GPATCH2: variants seen among roughly 807,000 people sequenced by gnomAD.
GPATCH2 encodes G patch domain-containing protein 2.
In GPATCH2, 51 loss-of-function variants were observed where a neutral mutation model predicts 58.0. The ratio of observed to expected loss-of-function variants is 0.88; its 90% CI spans 0.70 to 1.11. The LOEUF (loss-of-function observed/expected upper bound fraction) is 1.11. Ranked by LOEUF, GPATCH2 falls within the 50% of genes most tolerant of loss-of-function variation. The pLI, the probability that GPATCH2 is intolerant of heterozygous loss-of-function variation, is 0.00. For synonymous variants in GPATCH2, 222 were observed against 218.5 expected (o/e 1.02, Z -0.14); for missense variants, 625 against 652.2 (o/e 0.96, Z 0.45).
At chr1:217,608,703 A>T in intron 5 of GPATCH2, 1 of 984,102 alleles carries the variant, frequency 1.0e-6, no homozygotes, top group Non-Finnish European at 1.2e-6. Context: ...ATTCAGATCT[A>T]AAAGACAGTC....
At chr1:217,437,946 A>G (rs1658923419) in intron 9 of GPATCH2, among the ~76,000 whole-genome samples, 1 of 151,870 alleles carries the variant, frequency 6.6e-6, no homozygotes, top group Non-Finnish European at 1.5e-5. Context: ...CTGGGAGAAA[A>G]CTCCCAGCAG....
At chr1:217,527,342 T>C (rs1231863885) in intron 5 of GPATCH2, among the ~76,000 whole-genome samples, 1 of 152,064 alleles carries the variant, frequency 6.6e-6, no homozygotes, top group East Asian at 1.9e-4. Context: ...GTGAGGTGAG[T>C]TCTGGACAAT....
intron 5 of GPATCH2, among the ~76,000 whole-genome samples, chr1:217,565,448 C>T (rs1475983152): frequency 6.6e-6 from 1 of 152,102 alleles, no homozygotes; most frequent in Non-Finnish European, 1.5e-5. Context: ...AAAAACAATA[C>T]TTTCCAGGAG....
chr1:217,444,103 C>T (rs1376937085), intron 9 of GPATCH2, among the ~76,000 whole-genome samples: 1 of 152,116 alleles, frequency 6.6e-6, no homozygotes, highest in African/African-American at 2.4e-5. Flanking sequence ...AAACTAGAAA[C>T]TCATTGTGAG....
intron 5 of GPATCH2, among the ~76,000 whole-genome samples, chr1:217,549,081 T>C (rs1260741002): frequency 6.6e-6 from 1 of 152,120 alleles, no homozygotes; most frequent in Non-Finnish European, 1.5e-5. Flanking sequence ...TTCCTCCTTC[T>C]ATACAGCTTT....
chr1:217,618,576 A>G (rs1413106680), intron 2 of GPATCH2, among the ~76,000 whole-genome samples: 1 of 152,194 alleles, frequency 6.6e-6, no homozygotes, highest in Non-Finnish European at 1.5e-5. Flanking sequence ...CATGTCTAAT[A>G]AAAGGATAAT....
chr1:217,590,318 G>A (rs376092236), intron 5 of GPATCH2, among the ~76,000 whole-genome samples: 86 of 152,078 alleles, frequency 5.7e-4, no homozygotes, highest in African/African-American at 2.0e-3. Context: ...CACTGTGCCC[G>A]GCCCTGTACC....
At chr1:217,557,133 G>A (rs1301107947) in intron 5 of GPATCH2, among the ~76,000 whole-genome samples, 3 of 152,122 alleles carry the variant, frequency 2.0e-5, no homozygotes, top group Non-Finnish European at 4.4e-5. Context: ...TTGGCCGGGT[G>A]CGGTGGTTCA....
intron 2 of GPATCH2, among the ~76,000 whole-genome samples, chr1:217,614,977 A>G (rs1668817557): frequency 1.3e-5 from 2 of 152,022 alleles, no homozygotes; most frequent in Non-Finnish European, 2.9e-5. Flanking sequence ...AAGTCATATA[A>G]TATAATGAGA....
chr1:217,500,388 C>T (rs1345867823), intron 6 of GPATCH2, among the ~76,000 whole-genome samples: 1 of 151,984 alleles, frequency 6.6e-6, no homozygotes, highest in Admixed American at 6.6e-5. Context: ...CCTTGGCTCT[C>T]ACTGGGTGTT....
intron 8 of GPATCH2, among the ~76,000 whole-genome samples, chr1:217,452,807 A>G (rs977618712): frequency 1.3e-5 from 2 of 152,166 alleles, no homozygotes; most frequent in African/African-American, 4.8e-5. Context: ...GTTCAAGGAG[A>G]ATAAAGTTAA....
At chr1:217,583,243 A>T (rs1430517473) in intron 5 of GPATCH2, among the ~76,000 whole-genome samples, 1 of 152,180 alleles carries the variant, frequency 6.6e-6, no homozygotes, top group Non-Finnish European at 1.5e-5. Context: ...CATTAAGAAT[A>T]AAATGAGAAA....
chr1:217,542,002 T>C (rs1664768579), intron 5 of GPATCH2, among the ~76,000 whole-genome samples: 1 of 152,216 alleles, frequency 6.6e-6, no homozygotes, highest in South Asian at 2.1e-4. Context: ...TAGCATGTCC[T>C]TTGGTCCAAC....
At chr1:217,628,378 A>G (rs1571683484) in intron 1 of GPATCH2, among the ~76,000 whole-genome samples, 1 of 152,102 alleles carries the variant, frequency 6.6e-6, no homozygotes, top group South Asian at 2.1e-4. Context: ...TGACATAAAT[A>G]TGGATGCTAA....
intron 8 of GPATCH2, among the ~76,000 whole-genome samples, chr1:217,460,305 G>A (rs1233683268): frequency 2.0e-5 from 3 of 152,118 alleles, no homozygotes; most frequent in Admixed American, 6.5e-5. Flanking sequence ...ATCATCCAAC[G>A]TACTTTATTA....
chr1:217,469,847 G>T (rs1255474830), intron 8 of GPATCH2, among the ~76,000 whole-genome samples: 1 of 152,070 alleles, frequency 6.6e-6, no homozygotes, highest in Non-Finnish European at 1.5e-5. Context: ...CCTGAGGACG[G>T]TAAGGTACAA....
At chr1:217,529,597 G>A (rs1664090219) in intron 5 of GPATCH2, among the ~76,000 whole-genome samples, 1 of 152,130 alleles carries the variant, frequency 6.6e-6, no homozygotes, top group African/African-American at 2.4e-5. Context: ...TTCTCAGCAT[G>A]CACAACTGTG....
intron 5 of GPATCH2, among the ~76,000 whole-genome samples, chr1:217,529,014 A>G (rs1664060622): frequency 6.6e-6 from 1 of 152,214 alleles, no homozygotes; most frequent in Admixed American, 6.5e-5. Flanking sequence ...GCTAGAGGTC[A>G]GCAAGGCAAA....
intron 5 of GPATCH2, among the ~76,000 whole-genome samples, chr1:217,603,680 T>G (rs1412217638): frequency 6.6e-6 from 1 of 152,152 alleles, no homozygotes; most frequent in Non-Finnish European, 1.5e-5. Context: ...TGGAGTCCAG[T>G]GGCATGATCT....
Sources: gnomAD v4.1 joint callset for allele counts (sites outside exome capture counted in the v4.1 genomes callset) on GRCh38, gnomAD v4.1.1 for gene constraint, MANE v1.5 for transcripts, NCBI Gene and HGNC (gene_info 2026-07-23, HGNC 2026-07-21) for gene names.